Variants in PKHD1 observed in about 807,000 individuals in gnomAD.
PKHD1 encodes the protein PKHD1 ciliary IPT domain containing fibrocystin/polyductin, also known as fibrocystin.
In PKHD1, 291 loss-of-function variants were observed where a neutral mutation model predicts 412.0. The observed-to-expected ratio is 0.71, with a 90% CI of 0.64 to 0.78. The LOEUF (loss-of-function observed/expected upper bound fraction) is 0.78. Ranked by LOEUF, PKHD1 falls within the 30% of genes least tolerant of loss-of-function variation. PKHD1 has a pLI of 0.00. For synonymous variants in PKHD1, 1,777 were observed against 1,821.5 expected, an observed-to-expected ratio of 0.98 and a Z score of 0.62; for missense variants, 4,825 against 4,950.7, an observed-to-expected ratio of 0.97 and a Z score of 0.76.
At chr6:51,649,316 T>A in intron 61 of PKHD1, 96 bp from the exon 62 acceptor site, 1 of 938,684 alleles carries the variant, frequency 1.1e-6, no homozygotes, top group South Asian at 1.3e-5. Context: ...GTGAAAATAT[T>A]TGCATTTGCC....
chr6:51,841,130 T>C (rs1420412642), intron 50 of PKHD1, among the ~76,000 whole-genome samples: 1 of 152,230 alleles, frequency 6.6e-6, no homozygotes, highest in African/African-American at 2.4e-5. Context: ...GTATTGTTTT[T>C]TCTTATAAAT....
intron 52 of PKHD1, among the ~76,000 whole-genome samples, chr6:51,824,493 G>A (rs1410329733): frequency 6.6e-6 from 1 of 152,060 alleles, no homozygotes. Flanking sequence ...GGTTCACTAA[G>A]GTCTATGATT....
chr6:51,660,971 G>A (rs1262812830), intron 60 of PKHD1, among the ~76,000 whole-genome samples: 2 of 152,110 alleles, frequency 1.3e-5, no homozygotes, highest in Admixed American at 6.6e-5. Context: ...CTCTAGTCAC[G>A]TGATTGGTTC....
chr6:51,849,230 T>C (rs1257095786), intron 49 of PKHD1, among the ~76,000 whole-genome samples: 1 of 152,226 alleles, frequency 6.6e-6, no homozygotes, highest in Non-Finnish European at 1.5e-5. Context: ...AAGGACATGA[T>C]CTCATTCCTT....
chr6:51,954,952 C>T (rs915985693), intron 36 of PKHD1, among the ~76,000 whole-genome samples: 1 of 152,018 alleles, frequency 6.6e-6, no homozygotes, highest in Non-Finnish European at 1.5e-5. Context: ...GATCCTTGCC[C>T]GGGATGCAGA....
At chr6:51,756,107 A>C (rs1786967744) in intron 55 of PKHD1, among the ~76,000 whole-genome samples, 1 of 152,150 alleles carries the variant, frequency 6.6e-6, no homozygotes, top group Non-Finnish European at 1.5e-5. Flanking sequence ...TATTATAATT[A>C]ATTCACATCT....
At chr6:51,795,636 C>T (rs1346900389) in intron 52 of PKHD1, among the ~76,000 whole-genome samples, 1 of 152,132 alleles carries the variant, frequency 6.6e-6, no homozygotes, top group East Asian at 1.9e-4. Context: ...CTGGCTTTTG[C>T]CCATTCAATA....
At chr6:51,688,071 CAT>C (rs1035914223) in intron 60 of PKHD1, among the ~76,000 whole-genome samples, 17 of 152,194 alleles carry the variant, frequency 1.1e-4, no homozygotes, top group Non-Finnish European at 2.2e-4. Flanking sequence ...CTCTGATGTA[CAT>C]GTCATTGACA....
At chr6:51,919,916 G>C (rs894932317) in intron 37 of PKHD1, among the ~76,000 whole-genome samples, 10 of 152,302 alleles carry the variant, frequency 6.6e-5, no homozygotes, top group African/African-American at 2.2e-4. Flanking sequence ...GTTCACTCAT[G>C]ATTTGGTTCT....
chr6:51,679,801 G>A (rs1776387487), intron 60 of PKHD1, among the ~76,000 whole-genome samples: 1 of 151,952 alleles, frequency 6.6e-6, no homozygotes, highest in African/African-American at 2.4e-5. Context: ...CTCTACACAA[G>A]TTGCTGAAGG....
At chr6:51,741,266 G>A (rs1407448789) in intron 60 of PKHD1, 5 of 509,276 alleles carry the variant, frequency 9.8e-6, no homozygotes, top group Non-Finnish European at 2.0e-5. Flanking sequence ...TGTAAGGGAT[G>A]CTTTTGATGC....
intron 1 of PKHD1, among the ~76,000 whole-genome samples, 161 bp from the exon 2 acceptor site, chr6:52,085,178 T>C (rs771933163): frequency 6.6e-6 from 1 of 152,220 alleles, no homozygotes; most frequent in Non-Finnish European, 1.5e-5. Context: ...AAGGATCATC[T>C]GAGAACCTTG....
At chr6:51,691,949 G>A (rs1400169606) in intron 60 of PKHD1, among the ~76,000 whole-genome samples, 1 of 151,852 alleles carries the variant, frequency 6.6e-6, no homozygotes, top group African/African-American at 2.4e-5. Flanking sequence ...CATTTCTTAC[G>A]AACCCTCCAT....
chr6:52,050,135 G>A (rs1325887016), intron 22 of PKHD1, 22 bp downstream of exon 22: 1 of 1,612,718 alleles, frequency 6.2e-7, no homozygotes, highest in Non-Finnish European at 8.5e-7. Flanking sequence ...GAAGGGACAG[G>A]TGTAAAAAAG....
intron 37 of PKHD1, among the ~76,000 whole-genome samples, chr6:51,915,600 T>C (rs1783652941): frequency 6.6e-6 from 1 of 151,916 alleles, no homozygotes; most frequent in Non-Finnish European, 1.5e-5. Flanking sequence ...GGACTCTGAG[T>C]GGCATGCAGA....
chr6:52,027,257 C>A (rs908481559), intron 31 of PKHD1, among the ~76,000 whole-genome samples: 2 of 149,950 alleles, frequency 1.3e-5, no homozygotes, highest in African/African-American at 4.9e-5. Flanking sequence ...CTCGGCTGGG[C>A]ACGGTGGCTC....
intron 35 of PKHD1, among the ~76,000 whole-genome samples, chr6:51,976,654 T>G (rs1420072331): frequency 6.6e-6 from 1 of 152,150 alleles, no homozygotes; most frequent in Non-Finnish European, 1.5e-5. Context: ...TTACCACAAT[T>G]TTGAAAACTG....
intron 35 of PKHD1, among the ~76,000 whole-genome samples, chr6:51,994,419 G>A (rs1797465959): frequency 6.6e-6 from 1 of 152,228 alleles, no homozygotes; most frequent in African/African-American, 2.4e-5. Flanking sequence ...ACAGGCGTGA[G>A]CCACCACGCC....
intron 35 of PKHD1, among the ~76,000 whole-genome samples, chr6:51,981,368 T>C (rs1203864773): frequency 1.2e-4 from 12 of 96,838 alleles, no homozygotes; most frequent in Admixed American, 3.8e-4. Flanking sequence ...CCTCTCCCTC[T>C]CCCTCCACGG....
Sources: gnomAD v4.1 joint callset for allele counts (sites outside exome capture counted in the v4.1 genomes callset) on GRCh38, gnomAD v4.1.1 for gene constraint, MANE v1.5 for transcripts, NCBI Gene and HGNC (gene_info 2026-07-23, HGNC 2026-07-21) for gene names.